PCDHGA10: variants seen among roughly 807,000 people sequenced by gnomAD.
The protein encoded by PCDHGA10 is protocadherin gamma-A10.
Under a neutral mutation model 59.5 loss-of-function variants are expected in PCDHGA10, and 42 were observed. The observed-to-expected ratio is 0.71, with a 90% CI of 0.55 to 0.91. The LOEUF (loss-of-function observed/expected upper bound fraction) is 0.91, where lower values mean the gene tolerates loss of function less well. PCDHGA10 is among the 40% of genes least tolerant of loss of function. The probability of loss-of-function intolerance (pLI) is 0.00; values close to 1 mark genes in which losing one functional copy is unlikely to be tolerated. For missense variants in PCDHGA10, 1,111 were observed against 1,198.2 expected (o/e 0.93, Z 1.07); for synonymous variants, 511 against 517.2 (o/e 0.99, Z 0.16).
chr5:141,475,542 G>A (rs1182059354), intron 1 of PCDHGA10, among the ~76,000 whole-genome samples: 1 of 152,174 alleles, frequency 6.6e-6, no homozygotes, highest in East Asian at 1.9e-4. Flanking sequence ...TTACAAGTAG[G>A]GTCCGGCTAA....
rs2095653692 is a variant in PCDHGA10 at position 141,413,541 on chromosome 5, GATAGAA to G, written c.373_378del (p.Ile125_Glu126del). On this transcript the variant is annotated inframe_deletion, in exon 1 of 4. Coordinates refer to ENST00000398610, the MANE Select transcript of PCDHGA10 (RefSeq NM_018913.3). ...TGGAAGACAGGGTGAAACTTTTTGGGATAGAAATAGAAGTAACTGATATCAATGACA... is the reference window on the plus strand; with the variant it reads ...TGGAAGACAGGGTGAAACTTTTTGGGATAGAAGTAACTGATATCAATGACA... 1 of 1,613,904 alleles carries G rather than the reference GATAGAA, an allele frequency of 6.2e-7. No homozygotes were observed. Among genetic ancestry groups the G allele is most frequent in the Non-Finnish European group, 8.5e-7 (1 of 1,179,910 alleles).
chr5:141,421,125 C>G, intron 1 of PCDHGA10: 1 of 804,210 alleles, frequency 1.2e-6, no homozygotes, highest in Admixed American at 3.0e-5. Flanking sequence ...CCTTCGCTTT[C>G]TGATATATTT....
intron 1 of PCDHGA10, chr5:141,478,582 G>T: frequency 1.3e-6 from 2 of 1,579,988 alleles, no homozygotes; most frequent in Non-Finnish European, 1.7e-6. Context: ...CCCTGTTAGT[G>T]CTTTTTTATT....
intron 1 of PCDHGA10, among the ~76,000 whole-genome samples, chr5:141,466,909 ACTC>A (rs1249720055): frequency 6.6e-6 from 1 of 151,110 alleles, no homozygotes; most frequent in Non-Finnish European, 1.5e-5. Flanking sequence ...GTTTTTGAAA[ACTC>A]CTTGTATTAG....
At chr5:141,422,645 TCTCAGTGAC>T in intron 1 of PCDHGA10, 2 of 1,612,232 alleles carry the variant, frequency 1.2e-6, no homozygotes, top group Non-Finnish European at 1.7e-6. Flanking sequence ...GCCTCCATCT[TCTCAGTGAC>T]CGCCCTCGAC....
chr5:141,429,330 T>C (rs2097204620), intron 1 of PCDHGA10, among the ~76,000 whole-genome samples: 1 of 152,188 alleles, frequency 6.6e-6, no homozygotes, highest in East Asian at 1.9e-4. Flanking sequence ...CTTTAATCCA[T>C]TAACTATAAA....
Position 141,490,876 on chromosome 5 carries a change from G to T in PCDHGA10, c.2437-3931G>T. On this transcript the variant is annotated intron_variant, in intron 1 of 3. Coordinates refer to ENST00000398610, the MANE Select transcript of PCDHGA10 (RefSeq NM_018913.3). The surrounding 1 kb of genome is among the most constrained non-coding windows in gnomAD (Gnocchi z 5.4). Reference sequence around the variant, plus strand: ...AGACTCCGGCTCTCCCCCATTGCATGCCAACACATCTCTGCATGTGTTTGT... The same window carrying T: ...AGACTCCGGCTCTCCCCCATTGCATTCCAACACATCTCTGCATGTGTTTGT... 6.2e-7 allele frequency: 1 copy of T among 1,613,840 alleles called. No homozygotes were observed. The highest frequency in any genetic ancestry group is 8.5e-7 in the Non-Finnish European group (1 of 1,179,894).
chr5:141,504,224 C>T (rs2099836716), intron 2 of PCDHGA10, among the ~76,000 whole-genome samples: 2 of 152,160 alleles, frequency 1.3e-5, no homozygotes, highest in African/African-American at 4.8e-5. Flanking sequence ...TAGAGCTGAA[C>T]CTTCTAAGAA....
At chr5:141,501,716 A>G (rs2099810687) in intron 2 of PCDHGA10, among the ~76,000 whole-genome samples, 1 of 152,160 alleles carries the variant, frequency 6.6e-6, no homozygotes, top group African/African-American at 2.4e-5. Flanking sequence ...TAAAAAAGAC[A>G]AATATATTAC....
intron 1 of PCDHGA10, chr5:141,418,551 T>A (rs766987131): frequency 1.2e-6 from 2 of 1,614,026 alleles, no homozygotes; most frequent in South Asian, 2.2e-5. Context: ...ATAAGAATCC[T>A]GGTAATAGAT....
In PCDHGA10 at chr5:141,433,322, T is replaced by A. The variant is rs907709272; in HGVS notation, c.2436+17711T>A. On this transcript the variant is annotated intron_variant, in intron 1 of 3. Transcript: ENST00000398610. ...AATTATCCCACCTTTGCCTCCGGTGTAACAGGGACTACAGGTGCAAGCCAC... is the reference window on the plus strand; with the variant it reads ...AATTATCCCACCTTTGCCTCCGGTGAAACAGGGACTACAGGTGCAAGCCAC... The A allele has an allele frequency of 5.3e-6, 4 of 760,298 alleles. No homozygotes were observed. In the African/African-American group the frequency reaches 7.1e-5, roughly 13 times the overall value. The allele number at this position is 760,298 out of a possible 1,614,324, so 47.1% of individuals were successfully genotyped here.
chr5:141,457,428 C>G (rs72790053), intron 1 of PCDHGA10, among the ~76,000 whole-genome samples: 1,866 of 152,262 alleles, frequency 0.012, 18 homozygotes, highest in Non-Finnish European at 0.017. Context: ...TTTTTCCCCC[C>G]CACCAAGCTG....
In PCDHGA10 at chr5:141,415,739, G is replaced by GTTTT; in HGVS notation, c.2436+128_2436+129insTTTT. On this transcript the variant is annotated intron_variant, in intron 1 of 3. Transcript: ENST00000398610. The stretch of plus-strand genomic sequence containing the variant: ...ATGAGTAGAATTTGATGTTTATTAA[G>GTTTT]GTTTTTTTTTTTTTTTTTTTTTTTT... 9.2e-6 allele frequency: 4 copies of GTTTT among 434,946 alleles called. No homozygotes were observed. In the African/African-American group the frequency reaches 1.3e-4, roughly 14 times the overall value. 26.9% of individuals were successfully genotyped at this position (434,946 alleles called of 1,614,324 possible).
At chr5:141,415,804 A>C in intron 1 of PCDHGA10, 193 bp downstream of exon 1, 1 of 1,366,960 alleles carries the variant, frequency 7.3e-7, no homozygotes, top group Non-Finnish European at 9.4e-7. Flanking sequence ...AGTCTCAATC[A>C]AGGCCTATAT....
In PCDHGA10 at chr5:141,487,680, A is replaced by G; in HGVS notation, c.2437-7127A>G. On this transcript the variant is annotated intron_variant, in intron 1 of 3. Coordinates refer to ENST00000398610, the MANE Select transcript of PCDHGA10 (RefSeq NM_018913.3). This position sits in a 1 kb window ranked among gnomAD's most constrained non-coding sequence, Gnocchi z 5.0. ...TCTGATCCAGGCATATGGCTAGGCC[A>G]TGTCCTAGAGAGTACTGGCCTCTCA... 6.2e-7 allele frequency: 1 copy of G among 1,609,370 alleles called. No individual in the cohort carries two copies. The highest frequency in any genetic ancestry group is 2.2e-5 in the East Asian group (1 of 44,826).
intron 1 of PCDHGA10, chr5:141,426,420 C>T (rs2096934904): frequency 3.5e-6 from 1 of 287,972 alleles, no homozygotes; most frequent in Non-Finnish European, 6.9e-6. Flanking sequence ...TCCAGGGCTC[C>T]GTGGTGGGGA....
chr5:141,494,546 G>T (rs984336435), intron 1 of PCDHGA10, among the ~76,000 whole-genome samples: 1 of 152,152 alleles, frequency 6.6e-6, no homozygotes, highest in African/African-American at 2.4e-5. Context: ...GGAGGAAGGG[G>T]CCATTTCTTT....
intron 1 of PCDHGA10, chr5:141,478,664 C>T (rs2099470287): frequency 1.3e-6 from 2 of 1,551,788 alleles, no homozygotes; most frequent in Non-Finnish European, 1.7e-6. Context: ...GATGCATTCA[C>T]ACTTTCAACT....
intron 1 of PCDHGA10, among the ~76,000 whole-genome samples, chr5:141,444,110 A>C (rs1284415694): frequency 6.7e-6 from 1 of 149,880 alleles, no homozygotes; most frequent in Non-Finnish European, 1.5e-5. Flanking sequence ...AACCAAGAAA[A>C]GTGAAGTATC....
Sources: gnomAD v4.1 joint callset for allele counts (sites outside exome capture counted in the v4.1 genomes callset) on GRCh38, gnomAD v4.1.1 for gene constraint, Gnocchi (gnomAD v3.1) non-coding constraint, MANE v1.5 for transcripts, NCBI Gene and HGNC (gene_info 2026-07-23, HGNC 2026-07-21) for gene names.